PSD3: variants seen among roughly 807,000 people sequenced by gnomAD.
PSD3 encodes PH and SEC7 domain-containing protein 3.
Under a neutral mutation model 105.5 loss-of-function variants are expected in PSD3, and 49 were observed. The ratio of observed to expected loss-of-function variants is 0.46; its 90% CI spans 0.37 to 0.59. PSD3 has a LOEUF of 0.59. Ranked by LOEUF, PSD3 falls within the 20% of genes least tolerant of loss-of-function variation. The pLI, the probability that PSD3 is intolerant of heterozygous loss-of-function variation, is 0.00. For synonymous variants in PSD3, 557 were observed against 457.8 expected (o/e 1.22, Z -2.77); for missense variants, 1,561 against 1,263.8 (o/e 1.24, Z -3.57).
intron 1 of PSD3, among the ~76,000 whole-genome samples, chr8:19,081,069 A>T (rs757194030): frequency 6.6e-6 from 1 of 152,132 alleles, no homozygotes; most frequent in Non-Finnish European, 1.5e-5. Context: ...GTTCCCACAG[A>T]GGGGCAGCAG....
At chr8:18,593,513 T>C (rs569311465) in intron 12 of PSD3, among the ~76,000 whole-genome samples, 10 of 152,264 alleles carry the variant, frequency 6.6e-5, no homozygotes, top group African/African-American at 2.2e-4. Context: ...GGAACACTTT[T>C]ACACTGTTGG....
chr8:18,894,972 G>T (rs1048801417), intron 2 of PSD3, among the ~76,000 whole-genome samples: 1 of 152,208 alleles, frequency 6.6e-6, no homozygotes, highest in Non-Finnish European at 1.5e-5. Flanking sequence ...ATCTCTCACA[G>T]ACAGTGGTCA....
intron 15 of PSD3, among the ~76,000 whole-genome samples, chr8:18,537,897 G>A (rs546372442): frequency 1.6e-3 from 250 of 152,242 alleles, no homozygotes; most frequent in African/African-American, 5.5e-3. Flanking sequence ...GGCTGGCCTC[G>A]AACTCCTGAC....
intron 2 of PSD3, among the ~76,000 whole-genome samples, chr8:18,893,753 A>G (rs1328711319): frequency 1.3e-5 from 2 of 152,134 alleles, no homozygotes; most frequent in Non-Finnish European, 2.9e-5. Flanking sequence ...CAACTAAAGG[A>G]AAGGCAGGGT....
chr8:18,622,636 T>C lies in PSD3; in HGVS notation c.2410+9977A>G, dbSNP rs182467591. Among the ~76,000 whole-genome samples, 928 of 152,338 alleles carry C rather than the reference T, an allele frequency of 6.1e-3. 15 individuals carry two copies. Among genetic ancestry groups the C allele is most frequent in the African/African-American group, 0.021 (875 of 41,562 alleles). On this transcript the variant is annotated intron_variant, in intron 11 of 15. Coordinates refer to ENST00000327040, the MANE Select transcript of PSD3 (RefSeq NM_015310.4). ...AAAAATTGTACATAAGTGTACAATT[T>C]GATGTTTTTACATATGAATGGTGAA...
intron 1 of PSD3, among the ~76,000 whole-genome samples, chr8:19,051,835 A>C (rs988946862): frequency 6.6e-6 from 1 of 152,212 alleles, no homozygotes; most frequent in East Asian, 1.9e-4. Context: ...ACAAAGAACT[A>C]ATGAAAAATT....
At chr8:18,885,695 C>T (rs1444149589) in intron 2 of PSD3, among the ~76,000 whole-genome samples, 2 of 152,148 alleles carry the variant, frequency 1.3e-5, no homozygotes, top group African/African-American at 4.8e-5. Flanking sequence ...CCCACAGTTT[C>T]ACTAAGGATT....
intron 1 of PSD3, among the ~76,000 whole-genome samples, chr8:18,955,290 G>C (rs1027336670): frequency 4.6e-5 from 7 of 152,096 alleles, no homozygotes; most frequent in African/African-American, 1.4e-4. Context: ...ACCCAGGCTG[G>C]AATGCAGTGG....
At chr8:18,832,037 C>G (rs1035855686) in intron 4 of PSD3, among the ~76,000 whole-genome samples, 6 of 152,196 alleles carry the variant, frequency 3.9e-5, no homozygotes, top group Non-Finnish European at 8.8e-5. Context: ...CAAAAACCTT[C>G]CTTTCTGTTG....
chr8:18,717,530 A>G (rs1470699445), intron 9 of PSD3, among the ~76,000 whole-genome samples: 2 of 152,194 alleles, frequency 1.3e-5, no homozygotes, highest in Non-Finnish European at 2.9e-5. Flanking sequence ...CTCCAGTTAA[A>G]AAAAAACCAA....
At chr8:19,077,858 C>G (rs528520950) in intron 1 of PSD3, among the ~76,000 whole-genome samples, 1 of 152,180 alleles carries the variant, frequency 6.6e-6, no homozygotes, top group African/African-American at 2.4e-5. Context: ...TAATCTCCAC[C>G]TTTTTGGTGT....
Position 18,529,154 on chromosome 8 carries a change from C to T in PSD3, c.*6589G>A, listed in dbSNP as rs1799537296. On this transcript the variant is annotated 3_prime_UTR_variant, in exon 16 of 16. Transcript: ENST00000327040. ...ACTTCACCCAGGCTACGGAGAGATG[C>T]TGGAGAGCTGCTGCTTGTGAATTAC... 1 of 152,216 alleles carries T rather than the reference C, an allele frequency of 6.6e-6. No individual in the cohort carries two copies. The highest frequency in any genetic ancestry group is 2.4e-5 in the African/African-American group (1 of 41,464). The allele number at this position is 152,216 out of a possible 1,614,324, so 9.4% of individuals were successfully genotyped here. A position where few individuals can be genotyped will look rare whatever the true frequency, so the allele number is the denominator to read the frequency against.
At chr8:18,683,525 T>G (rs1277458068) in intron 9 of PSD3, among the ~76,000 whole-genome samples, 7 of 152,360 alleles carry the variant, frequency 4.6e-5, no homozygotes, top group African/African-American at 1.7e-4. Flanking sequence ...CATCTCATTT[T>G]GAGCACGGCT....
chr8:18,904,412 C>T (rs1586378848), intron 2 of PSD3, among the ~76,000 whole-genome samples: 1 of 152,106 alleles, frequency 6.6e-6, no homozygotes. Flanking sequence ...ATGGGGCTGC[C>T]CAAGGCTTCA....
At chr8:18,539,077 G>C (rs1383997724) in intron 15 of PSD3, among the ~76,000 whole-genome samples, 1 of 152,196 alleles carries the variant, frequency 6.6e-6, no homozygotes, top group Non-Finnish European at 1.5e-5. Context: ...ACCAGTCTCT[G>C]AGTCTAGATT....
chr8:18,804,692 G>T lies in PSD3; in HGVS notation c.1829+12C>A, dbSNP rs369263186. The T allele has an allele frequency of 7.4e-6, 12 of 1,613,540 alleles. No homozygotes were observed. Among genetic ancestry groups the T allele is most frequent in the Non-Finnish European group, 1.0e-5 (12 of 1,179,698 alleles). The stretch of plus-strand genomic sequence containing the variant: ...GAGAGAATTCAGACTCCAGCAATGG[G>T]TCAGAACGTACTTCTTGCCAAGGTG... On this transcript the variant is annotated intron_variant, in intron 5 of 15. Transcript: ENST00000327040.
chr8:18,813,845 A>G (rs184791156), intron 4 of PSD3, among the ~76,000 whole-genome samples: 81 of 152,300 alleles, frequency 5.3e-4, no homozygotes, highest in Admixed American at 1.8e-3. Flanking sequence ...TCCATGTATG[A>G]TGCTTGGCAT....
At chr8:18,816,161 A>G (rs1235826520) in intron 4 of PSD3, among the ~76,000 whole-genome samples, 1 of 152,202 alleles carries the variant, frequency 6.6e-6, no homozygotes, top group Non-Finnish European at 1.5e-5. Flanking sequence ...ATTAGTAATA[A>G]TATCAATAAA....
intron 2 of PSD3, among the ~76,000 whole-genome samples, chr8:18,910,932 C>CAAAAA (rs1306913309): frequency 1.4e-5 from 2 of 147,962 alleles, no homozygotes; most frequent in Non-Finnish European, 1.5e-5. Flanking sequence ...ACATAAAATT[C>CAAAAA]AAAAAAATAA....
Sources: gnomAD v4.1 joint callset for allele counts (sites outside exome capture counted in the v4.1 genomes callset) on GRCh38, gnomAD v4.1.1 for gene constraint, MANE v1.5 for transcripts, NCBI Gene and HGNC (gene_info 2026-07-23, HGNC 2026-07-21) for gene names.